Variants in NELL2 observed in about 807,000 individuals in gnomAD.
The protein encoded by NELL2 is protein kinase C-binding protein NELL2.
NELL2 carries 41 observed loss-of-function variants against 109.6 expected under a neutral mutation model. The observed-to-expected ratio is 0.37, with a 90% CI of 0.29 to 0.49. The LOEUF (loss-of-function observed/expected upper bound fraction) is 0.49, where lower values mean the gene tolerates loss of function less well. Among genes scored for constraint, NELL2 ranks in the 20% least tolerant of loss-of-function variants. The probability of loss-of-function intolerance (pLI) is 0.98; values close to 1 mark genes in which losing one functional copy is unlikely to be tolerated. For missense variants in NELL2, 900 were observed against 1,008.3 expected, an observed-to-expected ratio of 0.89 and a Z score of 1.45; for synonymous variants, 355 against 344.7, an observed-to-expected ratio of 1.03 and a Z score of -0.33.
chr12:44,818,725 A>ATTTTTTTTT lies in NELL2; in HGVS notation c.185-2598_185-2590dup, dbSNP rs1409987918. 1.9e-4 allele frequency among the ~76,000 whole-genome samples: 14 copies of ATTTTTTTTT among 72,148 alleles called. 1 individual carries two copies. The highest frequency in any genetic ancestry group is 0.031 in the Middle Eastern group (2 of 64). The allele number at this position is 72,148 out of a possible 152,430, so 47.3% of individuals were successfully genotyped here. A position where few individuals can be genotyped will look rare whatever the true frequency, so the allele number is the denominator to read the frequency against. On this transcript the variant is annotated intron_variant, in intron 2 of 19. Coordinates refer to ENST00000429094, the MANE Select transcript of NELL2 (RefSeq NM_001145108.2). ...CTGAGAGGCTATATTTTGTTCACTT[A>ATTTTTTTTT]TTTTTTTTTTTTTATTTTTTTTTTT...
chr12:44,685,936 A>T (rs375182840), intron 12 of NELL2, among the ~76,000 whole-genome samples: 1 of 151,966 alleles, frequency 6.6e-6, no homozygotes, highest in Non-Finnish European at 1.5e-5. Flanking sequence ...GGCGTTCTCT[A>T]TATTTCCTGA....
intron 12 of NELL2, among the ~76,000 whole-genome samples, chr12:44,670,766 T>C (rs1486992842): frequency 1.3e-5 from 2 of 151,944 alleles, no homozygotes; most frequent in Non-Finnish European, 2.9e-5. Flanking sequence ...ATTGTAATTG[T>C]ATACGCACCT....
chr12:44,840,081 A>G (rs1944177195), intron 2 of NELL2, among the ~76,000 whole-genome samples: 1 of 152,072 alleles, frequency 6.6e-6, no homozygotes, highest in Non-Finnish European at 1.5e-5. Context: ...AACTCCCCAT[A>G]TTTTTGCAGA....
At chr12:44,607,584 A>G (rs1219590022) in intron 14 of NELL2, among the ~76,000 whole-genome samples, 1 of 152,086 alleles carries the variant, frequency 6.6e-6, no homozygotes, top group Non-Finnish European at 1.5e-5. Flanking sequence ...CCACCTTGAA[A>G]ATAAACCTGA....
chr12:44,576,258 A>G (rs184462111), intron 15 of NELL2, among the ~76,000 whole-genome samples: 51 of 152,324 alleles, frequency 3.3e-4, no homozygotes, highest in African/African-American at 1.1e-3. Flanking sequence ...TGTGCAATGC[A>G]GCAGCTCTGA....
At chr12:44,557,380 C>T (rs968215514) in intron 15 of NELL2, among the ~76,000 whole-genome samples, 8 of 151,900 alleles carry the variant, frequency 5.3e-5, no homozygotes, top group African/African-American at 1.9e-4. Flanking sequence ...AGGGTAGAGA[C>T]GGGGCAGTAA....
At chr12:44,876,778 C>A (rs1042908589), upstream of NELL2, 4 of 1,411,938 alleles carry the variant, frequency 2.8e-6, no homozygotes, top group South Asian at 3.0e-5. Flanking sequence ...GGCACTCCCC[C>A]TCCAGGGCGT....
At chr12:44,791,000 C>T (rs1942361195) in intron 3 of NELL2, among the ~76,000 whole-genome samples, 1 of 140,608 alleles carries the variant, frequency 7.1e-6, no homozygotes, top group South Asian at 2.3e-4. Context: ...CACTGGAGCT[C>T]CCAAATTTAT....
chr12:44,552,226 A>T (rs1249164085), intron 15 of NELL2, among the ~76,000 whole-genome samples: 1 of 152,192 alleles, frequency 6.6e-6, no homozygotes, highest in Non-Finnish European at 1.5e-5. Flanking sequence ...TTTCTGAAAG[A>T]TTAGTGTAAC....
intron 2 of NELL2, among the ~76,000 whole-genome samples, chr12:44,838,739 C>T (rs971773146): frequency 5.4e-5 from 8 of 149,074 alleles, no homozygotes; most frequent in Non-Finnish European, 8.9e-5. Flanking sequence ...GATAACCAGA[C>T]ATGTCTACAG....
intron 9 of NELL2, among the ~76,000 whole-genome samples, chr12:44,719,940 A>AT (rs1335456558): frequency 1.3e-5 from 2 of 152,184 alleles, no homozygotes; most frequent in Admixed American, 1.3e-4. Flanking sequence ...AGGCAGGCTA[A>AT]GATTCTGCAA....
At chr12:44,643,199 A>G (rs527281985) in intron 13 of NELL2, among the ~76,000 whole-genome samples, 1 of 152,234 alleles carries the variant, frequency 6.6e-6, no homozygotes, top group Non-Finnish European at 1.5e-5. Flanking sequence ...GGAGGATTAC[A>G]AAAGTCCTAT....
chr12:44,876,555 T>C (rs553123638), upstream of NELL2: 355 of 1,467,180 alleles, frequency 2.4e-4, 4 homozygotes, highest in African/African-American at 3.7e-3. Flanking sequence ...CCTTTCGGGA[T>C]TGAAAGCTCT....
chr12:44,868,356 C>G (rs1765871162), intron 2 of NELL2, among the ~76,000 whole-genome samples: 1 of 152,092 alleles, frequency 6.6e-6, no homozygotes, highest in South Asian at 2.1e-4. Flanking sequence ...AATTTCCACA[C>G]TATCCAAAAT....
intron 3 of NELL2, among the ~76,000 whole-genome samples, chr12:44,811,337 T>TAAAAAAAAAAAAAA (rs10683929): frequency 5.8e-5 from 6 of 103,178 alleles, no homozygotes; most frequent in East Asian, 2.8e-4. Context: ...GAACTAAAAG[T>TAAAAAAAAAAAAAA]AAAAAAAAAA....
chr12:44,731,398 G>A (rs1939362305), intron 9 of NELL2, among the ~76,000 whole-genome samples: 1 of 149,068 alleles, frequency 6.7e-6, no homozygotes, highest in Admixed American at 6.6e-5. Context: ...TATACACCAT[G>A]ATAAAGTGGT....
chr12:44,527,884 G>A (rs1053778824), intron 16 of NELL2, among the ~76,000 whole-genome samples: 3 of 151,928 alleles, frequency 2.0e-5, no homozygotes, highest in African/African-American at 4.8e-5. Context: ...ACGAGGTCAG[G>A]AGACTGAGAC....
At chr12:44,529,764 T>C (rs1203203748) in intron 16 of NELL2, among the ~76,000 whole-genome samples, 2 of 152,120 alleles carry the variant, frequency 1.3e-5, no homozygotes. Context: ...TTGTTAGTAA[T>C]CTTGAAAGAA....
At chr12:44,764,007 A>G (rs189793342) in intron 9 of NELL2, among the ~76,000 whole-genome samples, 1 of 152,304 alleles carries the variant, frequency 6.6e-6, no homozygotes, top group Non-Finnish European at 1.5e-5. Context: ...ATTTTATGGG[A>G]CTACCCCAAG....
Sources: allele counts gnomAD v4.1 joint callset (sites outside exome capture counted in the v4.1 genomes callset), GRCh38; gene constraint gnomAD v4.1.1; transcripts MANE v1.5; gene names NCBI Gene and HGNC (gene_info 2026-07-23, HGNC 2026-07-21).